CADPS2: variants seen among roughly 807,000 people sequenced by gnomAD.
The protein encoded by CADPS2 is calcium-dependent secretion activator 2.
Under a neutral mutation model 172.5 loss-of-function variants are expected in CADPS2, and 93 were observed. The observed-to-expected ratio is 0.54, with a 90% CI of 0.46 to 0.64. The LOEUF (loss-of-function observed/expected upper bound fraction) is 0.64. Ranked by LOEUF, CADPS2 falls within the 30% of genes least tolerant of loss-of-function variation. CADPS2 has a pLI of 0.00. For missense variants in CADPS2, 1,420 were observed against 1,565.9 expected, an observed-to-expected ratio of 0.91 and a Z score of 1.57; for synonymous variants, 546 against 555.2, an observed-to-expected ratio of 0.98 and a Z score of 0.23.
At chr7:122,855,186 T>C (rs1814834160) in intron 1 of CADPS2, among the ~76,000 whole-genome samples, 1 of 152,194 alleles carries the variant, frequency 6.6e-6, no homozygotes, top group Non-Finnish European at 1.5e-5. Context: ...AGGGATCATT[T>C]CTTTAGTATA....
chr7:122,704,641 T>A (rs1340835666), intron 2 of CADPS2, among the ~76,000 whole-genome samples: 1 of 152,092 alleles, frequency 6.6e-6, no homozygotes, highest in African/African-American at 2.4e-5. Context: ...TTGAGGAACT[T>A]AGCTCATTCA....
intron 9 of CADPS2, among the ~76,000 whole-genome samples, chr7:122,509,029 A>C (rs2059828737): frequency 6.6e-6 from 1 of 152,180 alleles, no homozygotes; most frequent in African/African-American, 2.4e-5. Context: ...TTTGGCAACA[A>C]TATCTCTGTT....
intron 27 of CADPS2, among the ~76,000 whole-genome samples, chr7:122,355,152 C>T (rs1396915254): frequency 6.6e-6 from 1 of 152,158 alleles, no homozygotes; most frequent in Non-Finnish European, 1.5e-5. Flanking sequence ...ACTCATACAT[C>T]TTCAACTGTG....
intron 6 of CADPS2, among the ~76,000 whole-genome samples, chr7:122,592,745 C>G (rs2071061758): frequency 1.3e-5 from 2 of 151,412 alleles, no homozygotes; most frequent in Admixed American, 6.6e-5. Flanking sequence ...GGACAGAAAA[C>G]CAAACACCGC....
intron 8 of CADPS2, among the ~76,000 whole-genome samples, chr7:122,522,283 T>A (rs368808446): frequency 1.3e-5 from 2 of 152,006 alleles, no homozygotes; most frequent in African/African-American, 4.8e-5. Context: ...CCCAGCTAAT[T>A]TTTGTACTTT....
intron 2 of CADPS2, among the ~76,000 whole-genome samples, chr7:122,705,566 AT>A (rs369179326): frequency 9.6e-6 from 1 of 103,636 alleles, no homozygotes; most frequent in Admixed American, 1.3e-4. Flanking sequence ...TATATTATAT[AT>A]TATCTATATT....
intron 12 of CADPS2, among the ~76,000 whole-genome samples, chr7:122,475,565 C>T (rs1187472658): frequency 1.3e-5 from 2 of 152,134 alleles, no homozygotes; most frequent in Non-Finnish European, 2.9e-5. Context: ...ATTATAGAGT[C>T]AGACTCATAA....
In CADPS2 at chr7:122,339,304, GTATT is replaced by G. The variant is rs1464935903; in HGVS notation, c.3612+6266_3612+6269del. ...TCCATGTTTTGTTGATTTCAACTGTGTATTGTGAAAGTTCTATTTAATGGTCACT... is the reference window on the plus strand; with the variant it reads ...TCCATGTTTTGTTGATTTCAACTGTGGTGAAAGTTCTATTTAATGGTCACT... On this transcript the variant is annotated intron_variant, in intron 28 of 29. Coordinates refer to ENST00000449022, the MANE Select transcript of CADPS2 (RefSeq NM_017954.11). Among the ~76,000 whole-genome samples the G allele has an allele frequency of 3.9e-5, 6 of 152,034 alleles. No individual in the cohort carries two copies. In the East Asian group the frequency reaches 1.2e-3, roughly 29 times the overall value.
At chr7:122,368,845 T>C (rs1219499627) in intron 25 of CADPS2, among the ~76,000 whole-genome samples, 1 of 152,004 alleles carries the variant, frequency 6.6e-6, no homozygotes, top group Non-Finnish European at 1.5e-5. Context: ...AGGACTTTTG[T>C]TCTAGATTGA....
chr7:122,405,002 G>A (rs898437805), intron 20 of CADPS2, among the ~76,000 whole-genome samples: 3 of 151,788 alleles, frequency 2.0e-5, no homozygotes, highest in Middle Eastern at 3.4e-3. Context: ...GGTGGCGGGC[G>A]CCTGTGGAGG....
chr7:122,674,783 T>C (rs1420873128), intron 2 of CADPS2, among the ~76,000 whole-genome samples: 1 of 152,230 alleles, frequency 6.6e-6, no homozygotes, highest in East Asian at 1.9e-4. Context: ...TGCCAGCATG[T>C]GTTCAGCAAA....
intron 2 of CADPS2, among the ~76,000 whole-genome samples, chr7:122,677,713 A>G (rs2082533329): frequency 6.6e-6 from 1 of 152,244 alleles, no homozygotes; most frequent in South Asian, 2.1e-4. Flanking sequence ...AAGATCACAC[A>G]GCCAGAGTGT....
chr7:122,516,703 A>C (rs1259263911), intron 8 of CADPS2, among the ~76,000 whole-genome samples: 1 of 152,126 alleles, frequency 6.6e-6, no homozygotes, highest in East Asian at 1.9e-4. Context: ...AAATTCTTAT[A>C]ATGTTAGGTT....
At chr7:122,547,209 A>C (rs2063718711) in intron 8 of CADPS2, among the ~76,000 whole-genome samples, 1 of 152,156 alleles carries the variant, frequency 6.6e-6, no homozygotes, top group South Asian at 2.1e-4. Context: ...GTTCAACCAC[A>C]GGGATGGTCT....
chr7:122,419,514 G>C (rs2048308619), intron 17 of CADPS2, among the ~76,000 whole-genome samples: 1 of 152,086 alleles, frequency 6.6e-6, no homozygotes, highest in Non-Finnish European at 1.5e-5. Flanking sequence ...GGGAGTCAGA[G>C]GGTTCTTGAA....
intron 2 of CADPS2, among the ~76,000 whole-genome samples, chr7:122,677,623 T>C (rs2082519886): frequency 1.3e-5 from 2 of 152,306 alleles, no homozygotes; most frequent in Admixed American, 6.5e-5. Flanking sequence ...AAGAAGGTGC[T>C]AGTATTTATC....
chr7:122,697,879 T>C (rs1232115534), intron 2 of CADPS2: 4 of 1,613,398 alleles, frequency 2.5e-6, no homozygotes, highest in Non-Finnish European at 2.5e-6. Flanking sequence ...GATTACTTTA[T>C]CTGAGGTTCC....
chr7:122,646,418 A>AT (rs991090404), intron 3 of CADPS2, among the ~76,000 whole-genome samples: 4 of 151,956 alleles, frequency 2.6e-5, no homozygotes, highest in African/African-American at 7.3e-5. Flanking sequence ...CTCTTCATAC[A>AT]TTTTTTCTCT....
intron 27 of CADPS2, among the ~76,000 whole-genome samples, chr7:122,359,271 A>C (rs1165210269): frequency 6.6e-6 from 1 of 152,048 alleles, no homozygotes; most frequent in East Asian, 1.9e-4. Flanking sequence ...TAATGGGTAA[A>C]ATTCACAAAG....
Sources: gnomAD v4.1 joint callset for allele counts (sites outside exome capture counted in the v4.1 genomes callset) on GRCh38, gnomAD v4.1.1 for gene constraint, MANE v1.5 for transcripts, NCBI Gene and HGNC (gene_info 2026-07-23, HGNC 2026-07-21) for gene names.